Variants in MTA3 observed in about 807,000 individuals in gnomAD.
MTA3 encodes metastasis associated 1 family member 3, also known as metastasis-associated protein MTA3.
In MTA3, 34 loss-of-function variants were observed where a neutral mutation model predicts 83.5. The ratio of observed to expected loss-of-function variants is 0.41; its 90% CI spans 0.31 to 0.54. The LOEUF (loss-of-function observed/expected upper bound fraction) is 0.54. Ranked by LOEUF, MTA3 falls within the 20% of genes least tolerant of loss-of-function variation. The pLI is 0.33. For missense variants in MTA3, 761 were observed against 726.4 expected, an observed-to-expected ratio of 1.05 and a Z score of -0.55; for synonymous variants, 303 against 252.7, an observed-to-expected ratio of 1.20 and a Z score of -1.89.
intron 14 of MTA3, among the ~76,000 whole-genome samples, chr2:42,711,775 AGAGAGAGAGTGTGT>A (rs1231411419): frequency 1.4e-5 from 2 of 139,410 alleles, no homozygotes; most frequent in Admixed American, 7.3e-5. Context: ...TGTATAGGAG[AGAGAGAGAGTGTGT>A]GTGTGTGTGT....
At chr2:42,608,663 A>C (rs895474772) in intron 3 of MTA3, among the ~76,000 whole-genome samples, 1 of 152,132 alleles carries the variant, frequency 6.6e-6, no homozygotes, top group Non-Finnish European at 1.5e-5. Flanking sequence ...CAGGCAGATC[A>C]CTTGAGCCCA....
At chr2:42,636,623 TTTC>T (rs925839356) in intron 4 of MTA3, among the ~76,000 whole-genome samples, 5 of 149,968 alleles carry the variant, frequency 3.3e-5, no homozygotes, top group South Asian at 2.1e-4. Context: ...TTTCTCTTTC[TTTC>T]TTTTTTTTTT....
At chr2:42,555,477 A>AAG (rs34363085) in intron 2 of MTA3, among the ~76,000 whole-genome samples, 1 of 149,380 alleles carries the variant, frequency 6.7e-6, no homozygotes, top group African/African-American at 2.5e-5. Context: ...AAAAAAAAAA[A>AAG]GAGCCGGGCG....
chr2:42,754,614 C>T lies in MTA3; in HGVS notation c.*1215C>T. ...TGAGCAGATGTGAGGCTGGCAACTC[C>T]CCTGCCCTCTGTTTGCAGGCACAGG... On this transcript the variant is annotated 3_prime_UTR_variant, in exon 17 of 17. Coordinates refer to ENST00000405094, the MANE Select transcript of MTA3 (RefSeq NM_001330442.2). The T allele has an allele frequency of 1.0e-6, 1 of 985,478 alleles. No homozygotes were observed. The highest frequency in any genetic ancestry group is 1.2e-6 in the Non-Finnish European group (1 of 829,978). 61.0% of individuals were successfully genotyped at this position (985,478 alleles called of 1,614,324 possible). A position where few individuals can be genotyped will look rare whatever the true frequency, so the allele number is the denominator to read the frequency against.
intron 14 of MTA3, among the ~76,000 whole-genome samples, chr2:42,718,751 A>G (rs986346105): frequency 1.1e-4 from 16 of 152,064 alleles, no homozygotes; most frequent in Admixed American, 9.8e-4. Context: ...TGACAGAGTG[A>G]GCCTCCGTCT....
In MTA3 at chr2:42,699,583, A is replaced by G. The variant is rs923684608; in HGVS notation, c.1025+1749A>G. ...AGGAAAGATAACACTAGCTTGACCT[A>G]GAGTAGTAGCTCTGGAAATGGCGTG... On this transcript the variant is annotated intron_variant, in intron 11 of 16. Transcript: ENST00000405094. Among the ~76,000 whole-genome samples the G allele has an allele frequency of 2.0e-5, 3 of 152,180 alleles. No individual in the cohort carries two copies. The East Asian group carries it at 5.8e-4, about 29-fold the overall frequency.
chr2:42,748,893 T>G (rs1264392534), intron 16 of MTA3, among the ~76,000 whole-genome samples: 13 of 152,238 alleles, frequency 8.5e-5, no homozygotes, highest in Admixed American at 7.9e-4. Context: ...AGGCTTGGTT[T>G]GAAGCTTTAT....
At position 42,538,828 on chromosome 2, in the gene MTA3, G is replaced by A. The variant is rs567516847; in HGVS notation, c.-140-31609G>A. Among the ~76,000 whole-genome samples the A allele has an allele frequency of 7.2e-4, 102 of 141,040 alleles. 1 individual carries two copies. The highest frequency in any genetic ancestry group is 2.7e-3 in the African/African-American group (99 of 37,194). 92.5% of individuals were successfully genotyped at this position (141,040 alleles called of 152,430 possible). A position where few individuals can be genotyped will look rare whatever the true frequency, so the allele number is the denominator to read the frequency against. Reference sequence around the variant, plus strand: ...TGTCGCCCAGGTCGGACTGCGGACTGCAGTGGCGCAATCTCGGCTCACTGC... The same window carrying A: ...TGTCGCCCAGGTCGGACTGCGGACTACAGTGGCGCAATCTCGGCTCACTGC... On this transcript the variant is annotated intron_variant, in intron 2 of 17. Transcript: ENST00000405592.
At chr2:42,705,753 C>G (rs1016116998) in intron 12 of MTA3, among the ~76,000 whole-genome samples, 1 of 152,090 alleles carries the variant, frequency 6.6e-6, no homozygotes, top group Non-Finnish European at 1.5e-5. Flanking sequence ...CTTTCACACT[C>G]ACGTATATCC....
chr2:42,710,861 C>T (rs1016749270), intron 14 of MTA3, among the ~76,000 whole-genome samples: 8 of 152,120 alleles, frequency 5.3e-5, no homozygotes, highest in African/African-American at 1.9e-4. Flanking sequence ...GGCAGATCAC[C>T]TGAGGTCAGG....
At chr2:42,661,321 A>ATC (rs1689686140) in intron 8 of MTA3, among the ~76,000 whole-genome samples, 2 of 151,960 alleles carry the variant, frequency 1.3e-5, no homozygotes, top group Admixed American at 1.3e-4. Flanking sequence ...CAACATAGTG[A>ATC]AACCCCTGTC....
intron 2 of MTA3, among the ~76,000 whole-genome samples, chr2:42,563,357 CGG>C (rs1018532106): frequency 4.5e-4 from 69 of 152,038 alleles, no homozygotes; most frequent in African/African-American, 1.6e-3. Flanking sequence ...TTAATAGAGA[CGG>C]GGTTTTGCCA....
chr2:42,503,616 C>A (rs1397707821), intron 2 of MTA3, among the ~76,000 whole-genome samples: 1 of 152,180 alleles, frequency 6.6e-6, no homozygotes, highest in Non-Finnish European at 1.5e-5. Context: ...TAGCTAGGTG[C>A]CTGGAATTTA....
chr2:42,693,566 A>T (rs1161039281), intron 9 of MTA3, among the ~76,000 whole-genome samples: 1 of 152,100 alleles, frequency 6.6e-6, no homozygotes, highest in South Asian at 2.1e-4. Flanking sequence ...GCCACCTCCA[A>T]TGTACACTTA....
rs2103759107 is a variant in MTA3 at position 42,546,236 on chromosome 2, C to G, written c.-140-24201C>G. Among the ~76,000 whole-genome samples, 2 of 152,242 alleles carry G rather than the reference C, an allele frequency of 1.3e-5. 1 individual carries two copies. The highest frequency in any genetic ancestry group is 4.2e-4 in the South Asian group (2 of 4,814). ...AAAACACAGGGCACCTCGGATTTCT[C>G]CATTGTTACATGCTAATGAAGTGGC... On this transcript the variant is annotated intron_variant, in intron 2 of 17. Transcript: ENST00000405592.
chr2:42,688,612 G>C (rs1319101434), intron 9 of MTA3, among the ~76,000 whole-genome samples: 3 of 109,654 alleles, frequency 2.7e-5, no homozygotes, highest in African/African-American at 4.4e-5. Flanking sequence ...TTGCATTCAA[G>C]TGTTTTTTTT....
chr2:42,718,537 G>T (rs1573745464), intron 14 of MTA3, among the ~76,000 whole-genome samples: 1 of 151,446 alleles, frequency 6.6e-6, no homozygotes, highest in East Asian at 2.0e-4. Context: ...TGAGCAGGTG[G>T]GCAGAACACA....
At chr2:42,596,993 C>T (rs1681867638) in intron 3 of MTA3, among the ~76,000 whole-genome samples, 1 of 152,014 alleles carries the variant, frequency 6.6e-6, no homozygotes. Context: ...CAACCTCTGC[C>T]TCCCGGGTTC....
chr2:42,746,564 G>A (rs1315478116), intron 16 of MTA3, among the ~76,000 whole-genome samples: 4 of 152,124 alleles, frequency 2.6e-5, no homozygotes, highest in Non-Finnish European at 4.4e-5. Flanking sequence ...ACTGCCACCC[G>A]ACTTCCAGTG....
Sources: allele counts gnomAD v4.1 joint callset (sites outside exome capture counted in the v4.1 genomes callset), GRCh38; gene constraint gnomAD v4.1.1; transcripts MANE v1.5; gene names NCBI Gene and HGNC (gene_info 2026-07-23, HGNC 2026-07-21).